The following CCDC60 variants were observed in gnomAD, a reference collection of about 807,000 sequenced individuals.
The protein encoded by CCDC60 is coiled-coil domain containing 60.
CCDC60 carries 54 observed loss-of-function variants against 63.5 expected under a neutral mutation model. That is an observed-to-expected ratio of 0.85 (90% CI 0.68 to 1.07). The LOEUF (loss-of-function observed/expected upper bound fraction) is 1.07, where lower values mean the gene tolerates loss of function less well. Among genes scored for constraint, CCDC60 ranks in the 50% least tolerant of loss-of-function variants. The pLI is 0.00. For missense variants in CCDC60, 651 were observed against 684.3 expected (o/e 0.95, Z 0.54); for synonymous variants, 206 against 238.8 (o/e 0.86, Z 1.27).
At chr12:119,512,045 AC>A (rs1470458310) in intron 7 of CCDC60, among the ~76,000 whole-genome samples, 1 of 152,236 alleles carries the variant, frequency 6.6e-6, no homozygotes, top group East Asian at 1.9e-4. Flanking sequence ...GACATTTATC[AC>A]AGCCTAGATG....
At chr12:119,481,932 T>A (rs919731869) in intron 4 of CCDC60, among the ~76,000 whole-genome samples, 6 of 145,004 alleles carry the variant, frequency 4.1e-5, no homozygotes, top group Non-Finnish European at 7.4e-5. Context: ...TACCATAAAT[T>A]CACTCCTTTA....
At chr12:119,510,220 C>T (rs1478457107) in intron 7 of CCDC60, among the ~76,000 whole-genome samples, 1 of 152,232 alleles carries the variant, frequency 6.6e-6, no homozygotes, top group Non-Finnish European at 1.5e-5. Context: ...TGCCTTTTCT[C>T]TAATACGTTA....
At chr12:119,455,125 T>C (rs1417787116) in intron 2 of CCDC60, among the ~76,000 whole-genome samples, 1 of 152,212 alleles carries the variant, frequency 6.6e-6, no homozygotes, top group East Asian at 1.9e-4. Flanking sequence ...TGGTGGTTGT[T>C]GTTTGATTTT....
At chr12:119,475,089 G>A (rs1768418962) in intron 3 of CCDC60, among the ~76,000 whole-genome samples, 1 of 152,142 alleles carries the variant, frequency 6.6e-6, no homozygotes, top group South Asian at 2.1e-4. Flanking sequence ...ACTCCTCATT[G>A]GTGTAGACCC....
chr12:119,442,314 A>G (rs1950462792), intron 2 of CCDC60, among the ~76,000 whole-genome samples: 1 of 152,210 alleles, frequency 6.6e-6, no homozygotes, highest in South Asian at 2.1e-4. Context: ...AAAGGCAGAC[A>G]ATAATATAAC....
intron 2 of CCDC60, among the ~76,000 whole-genome samples, chr12:119,439,709 T>C (rs887550532): frequency 6.6e-6 from 1 of 152,188 alleles, no homozygotes; most frequent in African/African-American, 2.4e-5. Flanking sequence ...CACAGATGTT[T>C]AAGAAATGCT....
At chr12:119,495,445 C>T (rs1566042005) in intron 5 of CCDC60, among the ~76,000 whole-genome samples, 1 of 152,068 alleles carries the variant, frequency 6.6e-6, no homozygotes, top group African/African-American at 2.4e-5. Flanking sequence ...TGTTTTGAAA[C>T]TAAATTTTTG....
chr12:119,507,581 C>A, intron 7 of CCDC60, among the ~76,000 whole-genome samples: 2 of 27,326 alleles, frequency 7.3e-5, no homozygotes, highest in African/African-American at 3.3e-4. Context: ...TATATATACA[C>A]ATATATATAC....
At chr12:119,394,851 A>G (rs1956222322) in intron 1 of CCDC60, among the ~76,000 whole-genome samples, 1 of 152,184 alleles carries the variant, frequency 6.6e-6, no homozygotes, top group African/African-American at 2.4e-5. Context: ...TGCATAAAAC[A>G]AGTAACTTTA....
chr12:119,527,719 C>A (rs1415415513), intron 11 of CCDC60, among the ~76,000 whole-genome samples: 2 of 140,892 alleles, frequency 1.4e-5, no homozygotes, highest in Admixed American at 7.3e-5. Flanking sequence ...CTCTGTCGCC[C>A]AGGCTAGAGT....
intron 2 of CCDC60, among the ~76,000 whole-genome samples, chr12:119,467,213 C>T (rs1950969405): frequency 6.6e-6 from 1 of 152,218 alleles, no homozygotes; most frequent in Non-Finnish European, 1.5e-5. Flanking sequence ...CACCAGCTCA[C>T]CCTTGATTCT....
At chr12:119,534,237 A>T (rs1952938046) in intron 13 of CCDC60, among the ~76,000 whole-genome samples, 3 of 152,122 alleles carry the variant, frequency 2.0e-5, no homozygotes, top group Non-Finnish European at 4.4e-5. Flanking sequence ...GGTATATAGG[A>T]ATGCTTGTGA....
At position 119,530,425 on chromosome 12, in the gene CCDC60, G is replaced by A. The variant is rs555816222; in HGVS notation, c.1362-449G>A. On this transcript the variant is annotated intron_variant, in intron 12 of 13. Transcript: ENST00000327554. ...ATAACACTGAAATACACAAAGCTTT[G>A]ACCCAACCTTGCTCATTAATCAAAG... Among the ~76,000 whole-genome samples the A allele has an allele frequency of 2.6e-5, 4 of 151,880 alleles. No individual in the cohort carries two copies. In the South Asian group the frequency reaches 8.3e-4, roughly 32 times the overall value.
chr12:119,353,262 T>G (rs1955675398), intron 1 of CCDC60, among the ~76,000 whole-genome samples: 1 of 152,170 alleles, frequency 6.6e-6, no homozygotes. Context: ...CTTTCAGCAC[T>G]TAAAGGACCT....
At chr12:119,527,253 AGT>A (rs1267893015) in intron 11 of CCDC60, among the ~76,000 whole-genome samples, 2 of 151,914 alleles carry the variant, frequency 1.3e-5, no homozygotes, top group Non-Finnish European at 2.9e-5. Context: ...CAGACACTGG[AGT>A]CTACCTTGAG....
intron 9 of CCDC60, 65 bp downstream of exon 9, chr12:119,520,257 C>T: frequency 1.5e-6 from 2 of 1,368,192 alleles, no homozygotes; most frequent in Non-Finnish European, 2.1e-6. Flanking sequence ...GGGGCCACTG[C>T]AGGGATGCTC....
In CCDC60 at chr12:119,445,361, G is replaced by A. The variant is rs1593098165; in HGVS notation, c.170+16599G>A. Among the ~76,000 whole-genome samples the A allele has an allele frequency of 2.7e-5, 4 of 146,508 alleles. No homozygotes were observed. In the South Asian group the frequency reaches 8.8e-4, roughly 32 times the overall value. On this transcript the variant is annotated intron_variant, in intron 2 of 13. Transcript: ENST00000327554. ...AGGTGGGAGAATCGCTTGAACCCGG[G>A]ATGCAGAGGTCGCAGTGAGCCGGGA...
intron 1 of CCDC60, among the ~76,000 whole-genome samples, chr12:119,399,485 A>G (rs997279089): frequency 5.9e-5 from 9 of 152,170 alleles, no homozygotes; most frequent in African/African-American, 2.2e-4. Flanking sequence ...TGAGCCTGAC[A>G]TGCGGAGCCA....
At chr12:119,501,022 C>A (rs1159868537) in intron 6 of CCDC60, among the ~76,000 whole-genome samples, 4 of 152,190 alleles carry the variant, frequency 2.6e-5, no homozygotes, top group East Asian at 3.9e-4. Context: ...GCCTAATAAT[C>A]ATAATAATAA....
Sources: allele counts gnomAD v4.1 joint callset (sites outside exome capture counted in the v4.1 genomes callset), GRCh38; gene constraint gnomAD v4.1.1; transcripts MANE v1.5; gene names NCBI Gene and HGNC (gene_info 2026-07-23, HGNC 2026-07-21).